APP: variants seen among roughly 807,000 people sequenced by gnomAD.
APP encodes the protein amyloid-beta precursor protein.
In APP, 31 loss-of-function variants were observed where a neutral mutation model predicts 101.4. That is an observed-to-expected ratio of 0.31 (90% CI 0.23 to 0.41). APP has a LOEUF of 0.41. Among genes scored for constraint, APP ranks in the 10% least tolerant of loss-of-function variants. APP has a pLI of 1.00. For synonymous variants in APP, 366 were observed against 364.4 expected (o/e 1.00, Z -0.05); for missense variants, 839 against 1,003.7 (o/e 0.84, Z 2.22).
intron 17 of APP, among the ~76,000 whole-genome samples, chr21:25,890,851 T>C (rs896915918): frequency 6.6e-6 from 1 of 152,146 alleles, no homozygotes; most frequent in Admixed American, 6.6e-5. Flanking sequence ...ATCAATTTGA[T>C]TGGTCATCAT....
intron 1 of APP, among the ~76,000 whole-genome samples, chr21:26,117,070 G>C (rs547981241): frequency 8.6e-4 from 131 of 152,268 alleles, no homozygotes; most frequent in Non-Finnish European, 1.3e-3. Context: ...TTTTAGTAGA[G>C]ACAGGGTTTC....
intron 13 of APP, among the ~76,000 whole-genome samples, chr21:25,913,064 G>C (rs1005907464): frequency 6.6e-6 from 1 of 152,108 alleles, no homozygotes; most frequent in African/African-American, 2.4e-5. Flanking sequence ...TCACTGGTTA[G>C]TTTTATTGCT....
At chr21:25,986,055 C>T (rs988184972) in intron 8 of APP, among the ~76,000 whole-genome samples, 1 of 152,106 alleles carries the variant, frequency 6.6e-6, no homozygotes, top group Admixed American at 6.5e-5. Context: ...TCGTGAATAT[C>T]CTTATATCCT....
At chr21:26,109,394 G>A (rs117741753) in intron 2 of APP, among the ~76,000 whole-genome samples, 3,974 of 152,280 alleles carry the variant, frequency 0.026, 136 homozygotes, top group East Asian at 0.16. Flanking sequence ...GTTTGAAAGT[G>A]TGTAGCACCT....
At chr21:25,971,982 C>T (rs1041488834) in intron 11 of APP, among the ~76,000 whole-genome samples, 8 of 151,934 alleles carry the variant, frequency 5.3e-5, no homozygotes, top group South Asian at 2.1e-4. Context: ...ATTCAGCGTC[C>T]GACATTTAAT....
chr21:26,129,029 G>A (rs1044407998), intron 1 of APP, among the ~76,000 whole-genome samples: 2 of 152,148 alleles, frequency 1.3e-5, no homozygotes, highest in African/African-American at 4.8e-5. Context: ...ATAATTACAT[G>A]ACATGAAGAA....
chr21:25,934,670 G>C (rs1443881162), intron 13 of APP: 1 of 152,180 alleles, frequency 6.6e-6, no homozygotes, highest in Non-Finnish European at 1.5e-5. Context: ...TCCTGACCTT[G>C]TGATCCATCT....
Position 26,060,795 on chromosome 21 carries a change from G to A in APP, c.356-7447C>T, listed in dbSNP as rs111743115. Among the ~76,000 whole-genome samples the A allele has an allele frequency of 4.6e-3, 703 of 152,310 alleles. 6 individuals carry two copies. Among genetic ancestry groups the A allele is most frequent in the African/African-American group, 0.016 (670 of 41,566 alleles). On this transcript the variant is annotated intron_variant, in intron 3 of 17. Transcript: ENST00000346798. Reference sequence around the variant, plus strand: ...AGCAACAAGTATTACACAAAGTCTTGAGGCAGATGCATGCCTGGTGAACTC... The same window carrying A: ...AGCAACAAGTATTACACAAAGTCTTAAGGCAGATGCATGCCTGGTGAACTC...
chr21:26,126,367 A>G (rs1174356334), intron 1 of APP, among the ~76,000 whole-genome samples: 1 of 152,196 alleles, frequency 6.6e-6, no homozygotes, highest in East Asian at 1.9e-4. Context: ...ACGCTAACCA[A>G]CTGTGCCCTA....
chr21:26,059,757 G>A (rs2046191630), intron 3 of APP, among the ~76,000 whole-genome samples: 1 of 151,994 alleles, frequency 6.6e-6, no homozygotes, highest in Non-Finnish European at 1.5e-5. Context: ...CAGGCGTGGT[G>A]GTGCATGCCT....
At chr21:26,022,159 A>C in intron 5 of APP, 117 bp from the exon 6 acceptor site, 2 of 1,193,304 alleles carry the variant, frequency 1.7e-6, no homozygotes, top group Non-Finnish European at 2.5e-6. Context: ...CCAAAACTTC[A>C]ATTCAGCAGG....
intron 11 of APP, among the ~76,000 whole-genome samples, chr21:25,969,347 CAAAAAAAAA>C (rs60834302): frequency 1.3e-4 from 7 of 55,656 alleles, no homozygotes; most frequent in East Asian, 4.5e-4. Context: ...GACTCTGTCT[CAAAAAAAAA>C]AAAAAAAAAA....
chr21:26,162,081 C>A (rs1279126187), intron 1 of APP, among the ~76,000 whole-genome samples: 1 of 152,188 alleles, frequency 6.6e-6, no homozygotes, highest in African/African-American at 2.4e-5. Flanking sequence ...TAATCTAGCA[C>A]TTTGGAAGGT....
chr21:26,132,186 T>C (rs2062810825), intron 1 of APP, among the ~76,000 whole-genome samples: 1 of 152,224 alleles, frequency 6.6e-6, no homozygotes, highest in Non-Finnish European at 1.5e-5. Context: ...TGTGAATAGC[T>C]ACTGCACTCC....
intron 6 of APP, among the ~76,000 whole-genome samples, chr21:26,002,121 T>C (rs2043321961): frequency 6.6e-6 from 1 of 152,302 alleles, no homozygotes; most frequent in African/African-American, 2.4e-5. Context: ...TAATGATGGA[T>C]GATAATGAGG....
rs115838288 is a variant in APP, at chr21:26,151,442, T to G, written c.57+19122A>C. Among the ~76,000 whole-genome samples the G allele has an allele frequency of 9.5e-3, 1,446 of 152,310 alleles. 18 individuals are homozygous for G. The highest frequency in any genetic ancestry group is 0.033 in the African/African-American group (1,360 of 41,572). On this transcript the variant is annotated intron_variant, in intron 1 of 17. Coordinates refer to ENST00000346798, the MANE Select transcript of APP (RefSeq NM_000484.4). ...GCTTGTTTGAACTACTAGATCAGCC[T>G]TTCCTTATTTTTGCTAATCTGTGTG...
At chr21:25,975,332 T>TA (rs1362404399) in intron 10 of APP, 104 bp from the exon 11 acceptor site, 2 of 1,452,916 alleles carry the variant, frequency 1.4e-6, no homozygotes, top group African/African-American at 2.8e-5. Flanking sequence ...CTTCTAGTGC[T>TA]AAAAAGTATC....
At chr21:26,164,503 T>C (rs1441139160) in intron 1 of APP, among the ~76,000 whole-genome samples, 1 of 152,220 alleles carries the variant, frequency 6.6e-6, no homozygotes, top group Non-Finnish European at 1.5e-5. Context: ...TCCTTGCACA[T>C]AGCTGATAGC....
At chr21:26,084,527 C>G (rs964385032) in intron 3 of APP, among the ~76,000 whole-genome samples, 5 of 35,944 alleles carry the variant, frequency 1.4e-4, no homozygotes, top group Non-Finnish European at 1.0e-4. Context: ...GCGTGAGCAC[C>G]GCGCCCGGCC....
Sources: allele counts gnomAD v4.1 joint callset (sites outside exome capture counted in the v4.1 genomes callset), GRCh38; gene constraint gnomAD v4.1.1; transcripts MANE v1.5; gene names NCBI Gene and HGNC (gene_info 2026-07-23, HGNC 2026-07-21).